CD36: variants seen among roughly 807,000 people sequenced by gnomAD.
CD36 encodes the protein platelet glycoprotein 4.
CD36 carries 119 observed loss-of-function variants against 55.2 expected under a neutral mutation model. The ratio of observed to expected loss-of-function variants is 2.15; its 90% confidence interval spans 1.86 to 2.51. CD36 has a LOEUF of 2.51. Among genes scored for constraint, CD36 ranks in the 30% most tolerant of loss-of-function variants. The pLI is 0.00. For missense variants in CD36, 819 were observed against 555.5 expected, an observed-to-expected ratio of 1.47 and a Z score of -4.77; for synonymous variants, 186 against 193.6, an observed-to-expected ratio of 0.96 and a Z score of 0.33.
At chr7:80,669,566 G>A (rs1354000301) in intron 8 of CD36, among the ~76,000 whole-genome samples, 1 of 151,816 alleles carries the variant, frequency 6.6e-6, no homozygotes, top group African/African-American at 2.4e-5. Flanking sequence ...GATTACGAGC[G>A]CCTATCTCAG....
At position 80,666,451 on chromosome 7, in the gene CD36, C is replaced by G. The variant is rs777291291; in HGVS notation, c.710C>G (p.Ser237Cys). 2 of 1,601,722 alleles carry G rather than the reference C, an allele frequency of 1.2e-6. No homozygotes were observed. Among genetic ancestry groups the G allele is most frequent in the South Asian group, 1.1e-5 (1 of 90,808 alleles). ...IDTYKGKRNLSYWESHCDMIN... is the reference protein window; with the variant it reads ...IDTYKGKRNLCYWESHCDMIN... ...TCTTTTTCTATTCCTAGGAATCTGTCCTATTGGGAAAGTCACTGCGACATG... is the reference window on the plus strand; with the variant it reads ...TCTTTTTCTATTCCTAGGAATCTGTGCTATTGGGAAAGTCACTGCGACATG... The change falls in exon 8 of 15, where the codon TCC becomes TGC. Residue 237 changes from serine (S) to cysteine (C), a missense_variant. Physicochemically the swap from Ser to Cys is moderately radical, Grantham distance 112. Transcript: ENST00000447544.
intron 1 of CD36, among the ~76,000 whole-genome samples, chr7:80,622,138 G>A: frequency 6.6e-6 from 1 of 152,198 alleles, no homozygotes; most frequent in East Asian, 1.9e-4. Context: ...CTTCAGGTGG[G>A]GGGACCACCC....
intron 3 of CD36, among the ~76,000 whole-genome samples, chr7:80,652,104 G>A (rs867859800): frequency 2.0e-5 from 3 of 151,918 alleles, no homozygotes; most frequent in East Asian, 1.9e-4. Flanking sequence ...ATTTAATAAC[G>A]TAAGAACAAC....
Position 80,674,013 on chromosome 7 carries a change from A to G in CD36, c.1285A>G (p.Met429Val), listed in dbSNP as rs1798002393. Residue 429 changes from methionine (M) to valine (V), a missense_variant, in exon 14 of 15, where the codon ATG (methionine) becomes GTG (valine). Coordinates refer to ENST00000447544, the MANE Select transcript of CD36 (RefSeq NM_001001548.3). ...TGTIGDEKAN[M>V]FRSQVTGKIN... ...GACCATTGGTGATGAGAAGGCAAAC[A>G]TGTTCAGAAGTCAAGTAACTGGAAA... The G allele has an allele frequency of 6.2e-7, 1 of 1,612,486 alleles. No individual in the cohort carries two copies. Among genetic ancestry groups the G allele is most frequent in the Non-Finnish European group, 8.5e-7 (1 of 1,178,928 alleles).
At chr7:80,658,747 T>G (rs939278807) in intron 4 of CD36, among the ~76,000 whole-genome samples, 1 of 152,190 alleles carries the variant, frequency 6.6e-6, no homozygotes, top group African/African-American at 2.4e-5. Context: ...CTATGTGCCT[T>G]GGCCTCGCAA....
chr7:80,666,367 T>TTATAATAGAAAAAGTAATG, intron 7 of CD36, 76 bp from the exon 8 acceptor site: 1 of 948,224 alleles, frequency 1.1e-6, no homozygotes, highest in South Asian at 1.3e-5. Context: ...AAGTATTGAA[T>TTATAATAGAAAAAGTAATG]TATAATAGAA....
chr7:80,673,717 T>TTGAATA, intron 13 of CD36: 2 of 562,158 alleles, frequency 3.6e-6, no homozygotes, highest in South Asian at 4.4e-5. Flanking sequence ...AGGAAAAACA[T>TTGAATA]TGAATAAGTC....
At chr7:80,667,648 C>G (rs375552485) in intron 8 of CD36, among the ~76,000 whole-genome samples, 1 of 112,282 alleles carries the variant, frequency 8.9e-6, no homozygotes, top group Admixed American at 9.1e-5. Flanking sequence ...ACTTCGTATG[C>G]GTACTTGATT....
upstream of CD36, among the ~76,000 whole-genome samples, chr7:80,635,371 T>G (rs1794333633): frequency 6.6e-6 from 1 of 152,018 alleles, no homozygotes; most frequent in Non-Finnish European, 1.5e-5. Context: ...GCCTCCCAGG[T>G]TCAAGCGATT....
intron 1 of CD36, among the ~76,000 whole-genome samples, chr7:80,604,470 A>G (rs943357703): frequency 5.7e-5 from 8 of 141,378 alleles, no homozygotes; most frequent in African/African-American, 1.3e-4. Flanking sequence ...TCTGATTTGT[A>G]TCTTCTGACA....
Position 80,656,715 on chromosome 7 carries a change from A to G in CD36, c.281+15A>G. The G allele has an allele frequency of 5.0e-6, 8 of 1,609,424 alleles. No individual in the cohort carries two copies. Among genetic ancestry groups the G allele is most frequent in the Non-Finnish European group, 5.1e-6 (6 of 1,175,954 alleles). ...TATACGTACAGGTGAGTGAGTCCCC[A>G]CAAATATGAGACACTCTTACCTTGA... On this transcript the variant is annotated intron_variant, in intron 4 of 14. Transcript: ENST00000447544.
intron 3 of CD36, among the ~76,000 whole-genome samples, chr7:80,651,907 TC>T (rs1795654561): frequency 6.6e-6 from 1 of 152,052 alleles, no homozygotes; most frequent in East Asian, 1.9e-4. Flanking sequence ...AGACCCTGTC[TC>T]CCCCCGCAAA....
chr7:80,614,185 C>T (rs1411964480), intron 1 of CD36, among the ~76,000 whole-genome samples: 3 of 152,140 alleles, frequency 2.0e-5, no homozygotes, highest in Non-Finnish European at 4.4e-5. Context: ...ATAAAATGGG[C>T]ATCATTCTCT....
chr7:80,614,660 G>A (rs376000868), intron 1 of CD36, among the ~76,000 whole-genome samples: 16 of 151,842 alleles, frequency 1.1e-4, no homozygotes, highest in Non-Finnish European at 1.6e-4. Context: ...GTACTTCCCC[G>A]ATTCTGCCCT....
At chr7:80,652,896 C>A (rs1471738011) in intron 3 of CD36, among the ~76,000 whole-genome samples, 1 of 152,042 alleles carries the variant, frequency 6.6e-6, no homozygotes, top group Non-Finnish European at 1.5e-5. Context: ...GTTTATTGAT[C>A]CCCATAACAA....
chr7:80,635,578 A>G (rs1353379402), upstream of CD36, among the ~76,000 whole-genome samples: 1 of 152,076 alleles, frequency 6.6e-6, no homozygotes, highest in Non-Finnish European at 1.5e-5. Flanking sequence ...CCCAGCCACA[A>G]TTATTTGTTA....
intron 4 of CD36, among the ~76,000 whole-genome samples, chr7:80,659,276 A>G (rs1332709281): frequency 2.0e-5 from 3 of 152,192 alleles, no homozygotes; most frequent in Non-Finnish European, 4.4e-5. Flanking sequence ...CTCCTCAAAC[A>G]GAACCACAGG....
chr7:80,661,225 A>G lies in CD36; in HGVS notation c.429+15A>G, dbSNP rs371196837. The G allele has an allele frequency of 9.7e-5, 156 of 1,610,970 alleles. No individual in the cohort carries two copies. The Middle Eastern group carries it at 1.8e-3, about 19-fold the overall frequency. Reference sequence around the variant, plus strand: ...TGGCTGTGGCAGTGAGTAGACAAACAACAAAGTTATCTATTTTAAAATACT... The same window carrying G: ...TGGCTGTGGCAGTGAGTAGACAAACGACAAAGTTATCTATTTTAAAATACT... On this transcript the variant is annotated intron_variant, in intron 5 of 14. Transcript: ENST00000447544.
upstream of CD36, among the ~76,000 whole-genome samples, chr7:80,635,176 C>A (rs766346160): frequency 6.6e-6 from 1 of 152,072 alleles, no homozygotes; most frequent in Non-Finnish European, 1.5e-5. Context: ...TCATTGTACA[C>A]TTTTCTATAA....
Sources: gnomAD v4.1 joint callset for allele counts (sites outside exome capture counted in the v4.1 genomes callset) on GRCh38, gnomAD v4.1.1 for gene constraint, MANE v1.5 for transcripts, NCBI Gene and HGNC (gene_info 2026-07-23, HGNC 2026-07-21) for gene names.